Variants in EPHA3 observed in about 807,000 individuals in gnomAD.
The protein encoded by EPHA3 is ephrin type-A receptor 3.
In EPHA3, 42 loss-of-function variants were observed where a neutral mutation model predicts 107.1. The ratio of observed to expected loss-of-function variants is 0.39; its 90% CI spans 0.31 to 0.51. EPHA3 has a LOEUF of 0.51. Among genes scored for constraint, EPHA3 ranks in the 20% least tolerant of loss-of-function variants. EPHA3 has a pLI of 0.78. For synonymous variants in EPHA3, 461 were observed against 424.8 expected, an observed-to-expected ratio of 1.09 and a Z score of -1.05; for missense variants, 1,183 against 1,211.2, an observed-to-expected ratio of 0.98 and a Z score of 0.35.
chr3:89,216,900 G>A (rs1346879102), intron 3 of EPHA3, among the ~76,000 whole-genome samples: 2 of 152,048 alleles, frequency 1.3e-5, no homozygotes, highest in Non-Finnish European at 2.9e-5. Flanking sequence ...TCCAGCGTAA[G>A]GAGAATAAAA....
intron 3 of EPHA3, among the ~76,000 whole-genome samples, chr3:89,308,489 T>C (rs1191211587): frequency 6.6e-6 from 1 of 152,006 alleles, no homozygotes; most frequent in Non-Finnish European, 1.5e-5. Context: ...AACCCTGGCA[T>C]AGGAAGCAGC....
intron 3 of EPHA3, among the ~76,000 whole-genome samples, chr3:89,299,968 G>T (rs555202314): frequency 2.8e-4 from 43 of 151,536 alleles, no homozygotes; most frequent in Non-Finnish European, 5.0e-4. Context: ...TTTTCATTTG[G>T]GCATAATAAT....
At position 89,472,490 on chromosome 3, in the gene EPHA3, G is replaced by T; in HGVS notation, c.2717G>T (p.Ser906Ile). 2 of 1,613,928 alleles carry T rather than the reference G, an allele frequency of 1.2e-6. No homozygotes were observed. Among genetic ancestry groups the T allele is most frequent in the South Asian group, 2.2e-5 (2 of 91,048 alleles). ...ARPSNLLLDQ[S>I]NVDITTFRTT... is the part of the protein sequence containing the mutation. The stretch of plus-strand genomic sequence containing the variant: ...CCATCAAACCTTCTTCTGGACCAAA[G>T]CAATGTGGATATCACTACCTTCCGC... Residue 906 changes from serine to isoleucine, a missense_variant, in exon 16 of 17, where the codon AGC becomes ATC. Physicochemically the swap from Ser to Ile is moderately radical, Grantham distance 142. Transcript: ENST00000336596.
intron 2 of EPHA3, among the ~76,000 whole-genome samples, chr3:89,176,238 TCAGGAGGCGGAGG>T (rs1020362852): frequency 2.6e-5 from 4 of 152,080 alleles, no homozygotes; most frequent in African/African-American, 4.8e-5. Flanking sequence ...TCACAGCACT[TCAGGAGGCGGAGG>T]CAGGAGGATC....
At chr3:89,342,858 TACACACACACACAC>T (rs144807058) in intron 5 of EPHA3, among the ~76,000 whole-genome samples, 2 of 139,216 alleles carry the variant, frequency 1.4e-5, no homozygotes, top group African/African-American at 2.6e-5. Flanking sequence ...TTTTTACACA[TACACACACACACAC>T]ACACACACAC....
chr3:89,394,610 T>A (rs1708811264), intron 5 of EPHA3, among the ~76,000 whole-genome samples: 1 of 152,124 alleles, frequency 6.6e-6, no homozygotes, highest in Non-Finnish European at 1.5e-5. Flanking sequence ...AAATGAAAAG[T>A]GTTTATAGAT....
chr3:89,178,812 A>G (rs2107114596), intron 2 of EPHA3, among the ~76,000 whole-genome samples: 1 of 152,022 alleles, frequency 6.6e-6, no homozygotes, highest in South Asian at 2.1e-4. Flanking sequence ...GTAAAAGAAA[A>G]GTGTTTTATA....
chr3:89,295,749 C>T (rs1282183797), intron 3 of EPHA3, among the ~76,000 whole-genome samples: 3 of 152,022 alleles, frequency 2.0e-5, no homozygotes, highest in Admixed American at 2.0e-4. Flanking sequence ...CACCACCACA[C>T]CCGGCTAATT....
intron 3 of EPHA3, among the ~76,000 whole-genome samples, chr3:89,262,963 C>CTTTT (rs532365863): frequency 1.4e-4 from 14 of 97,480 alleles, no homozygotes; most frequent in East Asian, 3.2e-4. Context: ...TTACAGCGCT[C>CTTTT]TTTTTTTTTT....
chr3:89,348,151 CCT>C (rs1319346681), intron 5 of EPHA3, among the ~76,000 whole-genome samples: 1 of 140,352 alleles, frequency 7.1e-6, no homozygotes. Flanking sequence ...GGGAGGATTC[CCT>C]CTTTTTCTAT....
At chr3:89,315,406 A>G (rs986015885) in intron 3 of EPHA3, among the ~76,000 whole-genome samples, 1 of 151,770 alleles carries the variant, frequency 6.6e-6, no homozygotes, top group Non-Finnish European at 1.5e-5. Flanking sequence ...GAGCTCAGGG[A>G]ACATGAACAC....
At chr3:89,136,352 T>TTTTTTTTTTTTTTTTTTTC (rs1704314429) in intron 2 of EPHA3, among the ~76,000 whole-genome samples, 2 of 139,552 alleles carry the variant, frequency 1.4e-5, no homozygotes, top group Non-Finnish European at 3.1e-5. Flanking sequence ...TTTTTTTTTT[T>TTTTTTTTTTTTTTTTTTTC]TTGACCCTTT....
chr3:89,451,856 T>C (rs947729148), intron 15 of EPHA3, among the ~76,000 whole-genome samples: 1 of 151,864 alleles, frequency 6.6e-6, no homozygotes, highest in Non-Finnish European at 1.5e-5. Flanking sequence ...TGTCTTAAGT[T>C]ATCTGTTTGA....
intron 2 of EPHA3, among the ~76,000 whole-genome samples, chr3:89,137,020 T>C (rs749583528): frequency 1.8e-4 from 28 of 151,890 alleles, no homozygotes; most frequent in Non-Finnish European, 4.0e-4. Context: ...TGCACAGTTA[T>C]TAAAATAAAA....
chr3:89,187,825 C>G (rs772302562), intron 2 of EPHA3, among the ~76,000 whole-genome samples: 3 of 152,090 alleles, frequency 2.0e-5, no homozygotes, highest in Non-Finnish European at 4.4e-5. Flanking sequence ...ACTTCAGAGG[C>G]TGCGCTGGGC....
At chr3:89,155,987 G>T (rs954552382) in intron 2 of EPHA3, among the ~76,000 whole-genome samples, 11 of 152,022 alleles carry the variant, frequency 7.2e-5, no homozygotes, top group African/African-American at 1.7e-4. Flanking sequence ...CAAAGGAAAA[G>T]AAATAACAGT....
intron 14 of EPHA3, among the ~76,000 whole-genome samples, chr3:89,449,862 T>C (rs1709952399): frequency 6.6e-6 from 1 of 152,208 alleles, no homozygotes; most frequent in Non-Finnish European, 1.5e-5. Flanking sequence ...GAGAACTATA[T>C]AACCAAATAA....
At chr3:89,331,629 T>A (rs1707292314) in intron 3 of EPHA3, among the ~76,000 whole-genome samples, 2 of 152,156 alleles carry the variant, frequency 1.3e-5, no homozygotes, top group Admixed American at 1.3e-4. Context: ...AATTACAGCA[T>A]CTAGGTTTTC....
At chr3:89,335,759 C>G (rs950324666) in intron 3 of EPHA3, among the ~76,000 whole-genome samples, 1 of 152,148 alleles carries the variant, frequency 6.6e-6, no homozygotes, top group African/African-American at 2.4e-5. Context: ...AAAAAGGTGG[C>G]AATTTGCTTC....
Sources: gnomAD v4.1 joint callset for allele counts (sites outside exome capture counted in the v4.1 genomes callset) on GRCh38, gnomAD v4.1.1 for gene constraint, MANE v1.5 for transcripts, NCBI Gene and HGNC (gene_info 2026-07-23, HGNC 2026-07-21) for gene names.